GAPVD1: variants seen among roughly 807,000 people sequenced by gnomAD.
GAPVD1 encodes GTPase-activating protein and VPS9 domain-containing protein 1.
Under a neutral mutation model 155.5 loss-of-function variants are expected in GAPVD1, and 35 were observed. That is an observed-to-expected ratio of 0.23 (90% CI 0.17 to 0.30). GAPVD1 has a LOEUF of 0.30. GAPVD1 is among the 10% of genes least tolerant of loss of function. The probability of loss-of-function intolerance (pLI) is 1.00; values close to 1 mark genes in which losing one functional copy is unlikely to be tolerated. For missense variants in GAPVD1, 1,429 were observed against 1,775.7 expected (o/e 0.80, Z 3.51); for synonymous variants, 636 against 619.7 (o/e 1.03, Z -0.39).
chr9:125,314,005 A>G (rs1053711744), intron 9 of GAPVD1, among the ~76,000 whole-genome samples: 6 of 152,210 alleles, frequency 3.9e-5, no homozygotes, highest in Non-Finnish European at 5.9e-5. Flanking sequence ...TCACATTAAT[A>G]CATCTGTGGC....
At chr9:125,285,017 C>T (rs1837415881) in intron 2 of GAPVD1, among the ~76,000 whole-genome samples, 1 of 152,212 alleles carries the variant, frequency 6.6e-6, no homozygotes, top group East Asian at 1.9e-4. Flanking sequence ...ACAGTGCCTC[C>T]TCTCTGTGCT....
Position 125,336,868 on chromosome 9 carries a change from TC to T in GAPVD1, c.2429-149del, listed in dbSNP as rs1847095945. 5.1e-6 allele frequency: 3 copies of T among 590,628 alleles called. No individual in the cohort carries two copies. In the Admixed American group the frequency reaches 9.5e-5, roughly 19 times the overall value. The allele number at this position is 590,628 out of a possible 1,614,324, so 36.6% of individuals were successfully genotyped here. On this transcript the variant is annotated intron_variant, in intron 15 of 27. Coordinates refer to ENST00000297933, the MANE Select transcript of GAPVD1 (RefSeq NM_001282680.3). ...AAAACAGAAAATGAATTGGAAGTAA[TC>T]ATAATTTGATTTTTTTTTTCTGGTA...
At chr9:125,353,494 G>T (rs766184987) in intron 23 of GAPVD1, among the ~76,000 whole-genome samples, 1 of 151,974 alleles carries the variant, frequency 6.6e-6, no homozygotes, top group South Asian at 2.1e-4. Flanking sequence ...TCACATTTTC[G>T]GGTGTCTTTT....
rs748234005 is a variant in GAPVD1 at position 125,341,288 on chromosome 9, G to T, written c.2965+24G>T. The T allele has an allele frequency of 4.4e-6, 5 of 1,145,206 alleles. No individual in the cohort carries two copies. In the African/African-American group the frequency reaches 7.7e-5, roughly 18 times the overall value. 70.9% of individuals were successfully genotyped at this position (1,145,206 alleles called of 1,614,324 possible). A position where few individuals can be genotyped will look rare whatever the true frequency, so the allele number is the denominator to read the frequency against. On this transcript the variant is annotated intron_variant, in intron 18 of 27. Coordinates refer to ENST00000297933, the MANE Select transcript of GAPVD1 (RefSeq NM_001282680.3). ...AGGTAATTTTATAAAATATTAGAAC[G>T]CTGTATTAGCAATAAGAAGCAAAGC...
rs548974412 is a variant in GAPVD1 at position 125,287,008 on chromosome 9, C to A, written c.-149-8450C>A. On this transcript the variant is annotated intron_variant, in intron 2 of 27. Transcript: ENST00000297933. ...CTGAGGCAGGACAATCGCTTGAACC[C>A]AGGAGGCAGAAGTTGCAGTGAGCTG... is the stretch of plus-strand genomic sequence containing the variant. Among the ~76,000 whole-genome samples the A allele has an allele frequency of 8.7e-4, 133 of 152,128 alleles. 1 individual carries two copies. Among genetic ancestry groups the A allele is most frequent in the Non-Finnish European group, 9.7e-4 (66 of 68,008 alleles).
intron 8 of GAPVD1, 154 bp downstream of exon 8, chr9:125,308,034 C>T: frequency 1.6e-6 from 1 of 638,466 alleles, no homozygotes; most frequent in Non-Finnish European, 2.8e-6. Context: ...GAAATCGTAT[C>T]AGATTAGTTA....
rs957529244 is a variant in GAPVD1, at chr9:125,350,726, A to G, written c.3423A>G (p.Val1141=). 6.6e-6 allele frequency: 10 copies of G among 1,521,870 alleles called. No individual in the cohort carries two copies. Among genetic ancestry groups the G allele is most frequent in the Non-Finnish European group, 9.1e-6 (10 of 1,098,820 alleles). 94.3% of individuals were successfully genotyped at this position (1,521,870 alleles called of 1,614,324 possible). A position where few individuals can be genotyped will look rare whatever the true frequency, so the allele number is the denominator to read the frequency against. The change falls in exon 23 of 28, where the codon GTA becomes GTG. Residue 1141 remains valine, a synonymous_variant. Coordinates refer to ENST00000297933, the MANE Select transcript of GAPVD1 (RefSeq NM_001282680.3). ...TCTTTTATTTAGACAATGAAATTGT[A>G]TGCTTCTTAAAAGTTCAAATAGCTG... ...DHTDPEDNEI[V]CFLKVQIAEA...
At chr9:125,314,936 C>T (rs555483111) in intron 9 of GAPVD1, among the ~76,000 whole-genome samples, 1 of 151,808 alleles carries the variant, frequency 6.6e-6, no homozygotes, top group East Asian at 2.0e-4. Context: ...TACAGGCGCC[C>T]GCCACCACGC....
chr9:125,311,503 C>T (rs1416233306), intron 8 of GAPVD1, among the ~76,000 whole-genome samples: 1 of 152,074 alleles, frequency 6.6e-6, no homozygotes, highest in Admixed American at 6.6e-5. Context: ...TGCCTGTAAT[C>T]CCAGCTACTT....
chr9:125,296,196 T>TG (rs977132516), intron 3 of GAPVD1, among the ~76,000 whole-genome samples: 8 of 151,372 alleles, frequency 5.3e-5, no homozygotes, highest in South Asian at 2.1e-4. Context: ...TTTTTTTTTT[T>TG]GAGAGAGAGT....
intron 9 of GAPVD1, among the ~76,000 whole-genome samples, chr9:125,316,873 T>C (rs1370925457): frequency 6.6e-6 from 1 of 152,214 alleles, no homozygotes; most frequent in Non-Finnish European, 1.5e-5. Context: ...GTGAAAGTGT[T>C]CCTGTTTCTC....
At chr9:125,286,434 A>G (rs376215563) in intron 2 of GAPVD1, among the ~76,000 whole-genome samples, 184 of 148,378 alleles carry the variant, frequency 1.2e-3, no homozygotes, top group African/African-American at 4.2e-3. Context: ...ATGAACCACC[A>G]CTCCTGGCCA....
In GAPVD1 at chr9:125,299,082, A is replaced by G; in HGVS notation, c.161A>G (p.Asn54Ser). The change falls in exon 4 of 28, where the codon AAT becomes AGT. Residue 54 changes from asparagine (N) to serine (S), a missense_variant. Physicochemically the swap from Asn to Ser is conservative, Grantham distance 46 (BLOSUM62 1). Transcript: ENST00000297933. The stretch of plus-strand genomic sequence containing the variant: ...TGGATTGCGAAGCAACAGAGAATCA[A>G]TTTGGATCGGCTTATCATAACCAGG... ...TAWIAKQQRI[N>S]LDRLIITSAE... 1.9e-6 allele frequency: 3 copies of G among 1,601,346 alleles called. No individual in the cohort carries two copies. Among genetic ancestry groups the G allele is most frequent in the Non-Finnish European group, 2.6e-6 (3 of 1,174,650 alleles).
At chr9:125,342,178 G>C (rs1847922926) in intron 18 of GAPVD1, 41 bp from the exon 19 acceptor site, 1 of 969,904 alleles carries the variant, frequency 1.0e-6, no homozygotes, top group Non-Finnish European at 1.7e-6. Flanking sequence ...GAGTAGTGCA[G>C]TATGTTATAT....
chr9:125,356,007 T>G, intron 25 of GAPVD1, 150 bp downstream of exon 25: 1 of 620,474 alleles, frequency 1.6e-6, no homozygotes, highest in Non-Finnish European at 2.9e-6. Context: ...AGTTACATGA[T>G]CACAAAGAAT....
At chr9:125,308,101 A>G in intron 8 of GAPVD1, 1 of 594,620 alleles carries the variant, frequency 1.7e-6, no homozygotes, top group East Asian at 2.8e-5. Flanking sequence ...AATTGAAGTC[A>G]TGCTATCCAC....
intron 3 of GAPVD1, among the ~76,000 whole-genome samples, chr9:125,296,102 A>G (rs1839804763): frequency 2.6e-5 from 4 of 152,090 alleles, no homozygotes; most frequent in Admixed American, 1.3e-4. Flanking sequence ...ATATTTAGCT[A>G]TATTTAAAAA....
At chr9:125,356,197 T>C (rs1850056153) in intron 25 of GAPVD1, among the ~76,000 whole-genome samples, 1 of 152,226 alleles carries the variant, frequency 6.6e-6, no homozygotes, top group African/African-American at 2.4e-5. Flanking sequence ...AAGCCTGTCC[T>C]GACTAGGTTA....
chr9:125,339,971 A>G (rs539222), intron 17 of GAPVD1, among the ~76,000 whole-genome samples: 1,729 of 152,292 alleles, frequency 0.011, 27 homozygotes, highest in African/African-American at 0.04. Flanking sequence ...CCATGGTCAC[A>G]TGATAGGCTA....
Sources: gnomAD v4.1 joint callset for allele counts (sites outside exome capture counted in the v4.1 genomes callset) on GRCh38, gnomAD v4.1.1 for gene constraint, MANE v1.5 for transcripts, NCBI Gene and HGNC (gene_info 2026-07-23, HGNC 2026-07-21) for gene names.